UVSSA: variants seen among roughly 807,000 people sequenced by gnomAD.
UVSSA encodes the protein UV-stimulated scaffold protein A.
Under a neutral mutation model 73.9 loss-of-function variants are expected in UVSSA, and 72 were observed. That is an observed-to-expected ratio of 0.97 (90% CI 0.81 to 1.19). UVSSA has a LOEUF of 1.19. Among genes scored for constraint, UVSSA ranks in the 50% most tolerant of loss-of-function variants. The pLI is 0.00. For synonymous variants in UVSSA, 454 were observed against 391.3 expected (o/e 1.16, Z -1.89); for missense variants, 1,150 against 965.0 (o/e 1.19, Z -2.54).
At chr4:1,371,837 A>G (rs910111561) in intron 8 of UVSSA, among the ~76,000 whole-genome samples, 1 of 152,230 alleles carries the variant, frequency 6.6e-6, no homozygotes, top group Non-Finnish European at 1.5e-5. Context: ...CATATCAGAT[A>G]GGAAATCTCA....
chr4:1,394,906 ATGCGGAGTGCCCGCCTGCTCACACG>A, exon 14 of UVSSA: 1 of 1,544,148 alleles, frequency 6.5e-7, no homozygotes, highest in South Asian at 1.1e-5. Flanking sequence ...ACACGTGCCC[ATGCGGAGTGCCCGCCTGCTCACACG>A]TGCCCATGCG....
chr4:1,361,386 G>T (rs1716602668), intron 7 of UVSSA, among the ~76,000 whole-genome samples: 1 of 152,272 alleles, frequency 6.6e-6, no homozygotes, highest in Non-Finnish European at 1.5e-5. Flanking sequence ...TGATATTCTT[G>T]TAAGAGCGTG....
Position 1,366,419 on chromosome 4 carries a change from C to CG in UVSSA, c.1278dup (p.Pro427AlafsTer2). 1 of 1,610,568 alleles carries CG rather than the reference C, an allele frequency of 6.2e-7. No individual in the cohort carries two copies. Among genetic ancestry groups the CG allele is most frequent in the Non-Finnish European group, 8.5e-7 (1 of 1,178,248 alleles). ...TGAGCCACACATCCCCGACCACTTG[C>CG]GGCCTGAGTATGGTGAGCAGTGGGT... On this transcript the variant is annotated frameshift_variant, in exon 8 of 14. Transcript: ENST00000389851. LOFTEE classifies it high-confidence loss of function.
chr4:1,394,330 A>T, exon 14 of UVSSA: 1 of 1,099,012 alleles, frequency 9.1e-7, no homozygotes, highest in Non-Finnish European at 1.3e-6. Flanking sequence ...TGTTCTACTT[A>T]GAATGCTCTT....
downstream of UVSSA, chr4:1,391,769 A>G (rs74869242): frequency 6.7e-6 from 1 of 148,924 alleles, no homozygotes; most frequent in Non-Finnish European, 1.5e-5. Flanking sequence ...GTTTCTTGTA[A>G]ACAGCATATA....
chr4:1,381,941 A>G (rs1264991637), intron 12 of UVSSA, among the ~76,000 whole-genome samples: 2 of 152,034 alleles, frequency 1.3e-5, no homozygotes, highest in African/African-American at 4.8e-5. Flanking sequence ...GGGATTACAG[A>G]TGTGAGTCCC....
intron 10 of UVSSA, among the ~76,000 whole-genome samples, chr4:1,378,022 A>C (rs1276876548): frequency 2.0e-5 from 3 of 152,252 alleles, no homozygotes; most frequent in Admixed American, 2.0e-4. Flanking sequence ...GCCCCTAGCC[A>C]GGATGGCAGG....
exon 14 of UVSSA, chr4:1,395,398 A>G: frequency 4.9e-6 from 7 of 1,423,014 alleles, no homozygotes; most frequent in Non-Finnish European, 6.5e-6. Context: ...ACACGTGCCC[A>G]TGTGGAGTGC....
chr4:1,379,711 C>A (rs141448203), intron 10 of UVSSA, among the ~76,000 whole-genome samples: 1 of 151,290 alleles, frequency 6.6e-6, no homozygotes, highest in Non-Finnish European at 1.5e-5. Flanking sequence ...ATAGGGAGAG[C>A]CCATCTTGCA....
chr4:1,350,447 C>A (rs1243934463), intron 3 of UVSSA, among the ~76,000 whole-genome samples: 1 of 152,214 alleles, frequency 6.6e-6, no homozygotes, highest in South Asian at 2.1e-4. Context: ...TCCCAGGGTT[C>A]ATGCTCAGGG....
chr4:1,375,353 GTC>G lies in UVSSA; in HGVS notation c.1289-9_1289-8del. The stretch of plus-strand genomic sequence containing the variant: ...GAGTGGTGGCAGGGAGTGGACACGT[GTC>G]TGTTTCAGGGCTGGAGGCAGCACCA... On this transcript the variant is annotated splice_polypyrimidine_tract_variant and intron_variant, in intron 8 of 13. Coordinates refer to ENST00000389851, the MANE Select transcript of UVSSA (RefSeq NM_020894.4). 2 of 1,612,872 alleles carry G rather than the reference GTC, an allele frequency of 1.2e-6. No individual in the cohort carries two copies. Among genetic ancestry groups the G allele is most frequent in the East Asian group, 4.5e-5 (2 of 44,878 alleles).
chr4:1,357,064 G>T (rs906499056), intron 7 of UVSSA: 1 of 152,442 alleles, frequency 6.6e-6, no homozygotes, highest in Non-Finnish European at 1.5e-5. Flanking sequence ...GGCCCCTCCA[G>T]CTGGTTATTG....
Position 1,380,042 on chromosome 4 carries a change from T to C in UVSSA, c.1569-5T>C. 6.3e-7 allele frequency: 1 copy of C among 1,598,736 alleles called. No individual in the cohort carries two copies. The highest frequency in any genetic ancestry group is 8.5e-7 in the Non-Finnish European group (1 of 1,172,440). On this transcript the variant is annotated splice_polypyrimidine_tract_variant and splice_region_variant and intron_variant, in intron 10 of 13. Coordinates refer to ENST00000389851, the MANE Select transcript of UVSSA (RefSeq NM_020894.4). ...TGCTATGAGGGCCTCTGGCTGTGTC[T>C]GCAGGTCTGACTCCCAGCACCGCTT...
rs553137911 is a variant in UVSSA, at chr4:1,376,171, G to A, written c.1568+3G>A. On this transcript the variant is annotated splice_donor_region_variant and intron_variant, in intron 10 of 13. Coordinates refer to ENST00000389851, the MANE Select transcript of UVSSA (RefSeq NM_020894.4). ...CCCACAGCCGGGAAGATTGTCAAGT[G>A]AGTCCCCATGTGTCTGAAGTCGGCC... 66 of 1,607,926 alleles carry A rather than the reference G, an allele frequency of 4.1e-5. 1 individual carries two copies. The South Asian group carries it at 6.2e-4, about 15-fold the overall frequency.
chr4:1,375,282 G>A (rs1438865045), intron 8 of UVSSA, 82 bp from the exon 9 acceptor site: 50 of 1,578,084 alleles, frequency 3.2e-5, no homozygotes, highest in East Asian at 2.2e-4. Flanking sequence ...ACGCATAGGC[G>A]CGTCCTAACT....
At chr4:1,375,767 C>G (rs1191028782) in intron 9 of UVSSA, among the ~76,000 whole-genome samples, 5 of 152,232 alleles carry the variant, frequency 3.3e-5, no homozygotes, top group African/African-American at 1.2e-4. Flanking sequence ...AGAGGAGCCC[C>G]CAGGGCTGGG....
At chr4:1,349,116 C>T (rs1016680927) in intron 2 of UVSSA, among the ~76,000 whole-genome samples, 5 of 58,622 alleles carry the variant, frequency 8.5e-5, no homozygotes, top group Admixed American at 4.9e-4. Flanking sequence ...CGCTAGGTAA[C>T]GTGTGTTTAA....
Position 1,351,732 on chromosome 4 carries a change from G to A in UVSSA, c.447G>A (p.Thr149=). ...TTGCTCAGGTGGATTTTCAAGACAC[G>A]AATGCTCGGAGTCTGGCAGAAAGGA... ...RHNKKVDFQD[T]NARSLAERKR... Residue 149 remains threonine, a synonymous_variant, in exon 4 of 14, where the codon ACG becomes ACA. Transcript: ENST00000389851. The A allele has an allele frequency of 1.1e-5, 18 of 1,613,394 alleles. No individual in the cohort carries two copies. Among genetic ancestry groups the A allele is most frequent in the Non-Finnish European group, 1.5e-5 (18 of 1,179,678 alleles).
intron 10 of UVSSA, among the ~76,000 whole-genome samples, chr4:1,379,302 G>A: frequency 6.6e-6 from 1 of 152,224 alleles, no homozygotes; most frequent in Admixed American, 6.5e-5. Context: ...AGTCTGGTCT[G>A]TGTGAGGGCC....
Sources: allele counts gnomAD v4.1 joint callset (sites outside exome capture counted in the v4.1 genomes callset), GRCh38; gene constraint gnomAD v4.1.1; transcripts MANE v1.5; gene names NCBI Gene and HGNC (gene_info 2026-07-23, HGNC 2026-07-21).